The following ZC3H4 variants were observed in gnomAD, a reference collection of about 807,000 sequenced individuals.
ZC3H4 encodes zinc finger CCCH domain-containing protein 4.
ZC3H4 carries 13 observed loss-of-function variants against 108.3 expected under a neutral mutation model. The observed-to-expected ratio is 0.12, with a 90% CI of 0.08 to 0.19. ZC3H4 has a LOEUF of 0.19. Ranked by LOEUF, ZC3H4 falls within the 10% of genes least tolerant of loss-of-function variation. ZC3H4 has a pLI of 1.00. For synonymous variants in ZC3H4, 917 were observed against 749.6 expected (o/e 1.22, Z -3.65); for missense variants, 1,734 against 1,838.8 (o/e 0.94, Z 1.04).
chr19:47,084,113 A>T (rs2057572435), intron 9 of ZC3H4, among the ~76,000 whole-genome samples: 1 of 152,180 alleles, frequency 6.6e-6, no homozygotes, highest in African/African-American at 2.4e-5. Context: ...TGGCCAAAAA[A>T]TTCCCCTAAA....
intron 4 of ZC3H4, among the ~76,000 whole-genome samples, chr19:47,091,268 A>G (rs1225670202): frequency 6.6e-6 from 1 of 150,782 alleles, no homozygotes; most frequent in Non-Finnish European, 1.5e-5. Flanking sequence ...CGAAACAACA[A>G]CTCAAAAAAA....
intron 13 of ZC3H4, 111 bp from the exon 14 acceptor site, chr19:47,069,454 A>ACAGCCTGCC: frequency 2.2e-6 from 3 of 1,392,514 alleles, no homozygotes; most frequent in Non-Finnish European, 2.9e-6. Context: ...AGAAGGACGC[A>ACAGCCTGCC]CAGCCTGCCC....
At chr19:47,110,189 C>A (rs770560304) in intron 2 of ZC3H4, among the ~76,000 whole-genome samples, 1 of 152,024 alleles carries the variant, frequency 6.6e-6, no homozygotes, top group Non-Finnish European at 1.5e-5. Flanking sequence ...AAAATTGGAG[C>A]TACTTGAACC....
intron 2 of ZC3H4, chr19:47,097,018 C>T: frequency 1.0e-6 from 1 of 984,128 alleles, no homozygotes; most frequent in Non-Finnish European, 1.2e-6. Flanking sequence ...ACAGGCTACT[C>T]TACATCTAAC....
intron 4 of ZC3H4, 124 bp downstream of exon 4, chr19:47,093,842 AAATT>A: frequency 1.4e-6 from 1 of 708,700 alleles, no homozygotes. Flanking sequence ...AATGGGGATT[AAATT>A]AATACCTGAT....
At chr19:47,097,210 G>C (rs118054458) in intron 2 of ZC3H4, among the ~76,000 whole-genome samples, 1 of 152,190 alleles carries the variant, frequency 6.6e-6, no homozygotes, top group Non-Finnish European at 1.5e-5. Context: ...GGCACATCTG[G>C]GCTCAAAGAG....
At chr19:47,099,680 T>G (rs1039472674) in intron 2 of ZC3H4, among the ~76,000 whole-genome samples, 1 of 151,524 alleles carries the variant, frequency 6.6e-6, no homozygotes, top group Non-Finnish European at 1.5e-5. Context: ...CAAAAAGGCG[T>G]AGGGAGAGCT....
At chr19:47,093,126 G>A (rs1031798004) in intron 4 of ZC3H4, among the ~76,000 whole-genome samples, 2 of 143,994 alleles carry the variant, frequency 1.4e-5, no homozygotes, top group Non-Finnish European at 1.5e-5. Context: ...TGAAGCAGAA[G>A]AATGGTGCGA....
intron 2 of ZC3H4, among the ~76,000 whole-genome samples, chr19:47,101,600 C>T (rs1012307560): frequency 6.6e-6 from 1 of 152,000 alleles, no homozygotes; most frequent in Non-Finnish European, 1.5e-5. Flanking sequence ...TGGCCAGGTA[C>T]GGTGGCTCAT....
At chr19:47,083,310 TAAA>T (rs918816929) in intron 9 of ZC3H4, among the ~76,000 whole-genome samples, 4 of 121,986 alleles carry the variant, frequency 3.3e-5, no homozygotes, top group African/African-American at 6.0e-5. Context: ...TAAAAAAAAT[TAAA>T]AAAAAAAAAA....
intron 2 of ZC3H4, chr19:47,112,128 T>G: frequency 9.5e-7 from 1 of 1,057,836 alleles, no homozygotes; most frequent in South Asian, 4.6e-5. Flanking sequence ...GCGCGGGGGG[T>G]CCGAGGGGCG....
Position 47,067,057 on chromosome 19 carries a change from G to T in ZC3H4, c.3211C>A (p.Pro1071Thr). The T allele has an allele frequency of 6.2e-7, 1 of 1,608,256 alleles. No individual in the cohort carries two copies. The highest frequency in any genetic ancestry group is 8.5e-7 in the Non-Finnish European group (1 of 1,177,406). ...TCGGTGGGGGCCTTCCGCACCCGGGGGTCACTGGGTTTGTCGCTGGAACCG... is the reference window on the plus strand; with the variant it reads ...TCGGTGGGGGCCTTCCGCACCCGGGTGTCACTGGGTTTGTCGCTGGAACCG... ...APGSSDKPSD[P>T]RVRKAPTDPR... is the part of the protein sequence containing the mutation. The change falls in exon 15 of 15, where the codon CCC becomes ACC. Residue 1071 changes from proline to threonine, a missense_variant. Physicochemically the swap from Pro to Thr is conservative, Grantham distance 38. Coordinates refer to ENST00000253048, the MANE Select transcript of ZC3H4 (RefSeq NM_015168.2). This position sits in a 1 kb window ranked among gnomAD's most constrained non-coding sequence, Gnocchi z 6.4.
intron 4 of ZC3H4, 134 bp downstream of exon 4, chr19:47,093,836 G>T: frequency 1.6e-6 from 1 of 642,108 alleles, no homozygotes; most frequent in Non-Finnish European, 2.6e-6. Flanking sequence ...TCATAAAATG[G>T]GGATTAAATT....
Position 47,072,786 on chromosome 19 carries a change from C to T in ZC3H4, c.1441-73G>A. On this transcript the variant is annotated intron_variant, in intron 11 of 14. Transcript: ENST00000253048. The surrounding 1 kb of genome is among the most constrained non-coding windows in gnomAD (Gnocchi z 5.6). ...AAACGGACCTCTCCAGGTCTGAGAG[C>T]TGAAGTTTATGAGGAAAAGTCCATA... 1 of 1,559,534 alleles carries T rather than the reference C, an allele frequency of 6.4e-7. No homozygotes were observed. The highest frequency in any genetic ancestry group is 1.1e-5 in the South Asian group (1 of 87,066).
In ZC3H4 at chr19:47,069,237, C is replaced by T. The variant is rs1380360051; in HGVS notation, c.2253G>A (p.Arg751=). Residue 751 remains arginine (R), a synonymous_variant, in exon 14 of 15, where the codon CGG becomes CGA. Coordinates refer to ENST00000253048, the MANE Select transcript of ZC3H4 (RefSeq NM_015168.2). ...DSFSEGGPPG[R]PKPGAGVPDF... ...CAGGGACACCGGCGCCTGGCTTCGG[C>T]CGGCCTGGGGGCCCTCCCTCAGAGA... 3 of 1,613,530 alleles carry T rather than the reference C, an allele frequency of 1.9e-6. No homozygotes were observed. Among genetic ancestry groups the T allele is most frequent in the Non-Finnish European group, 2.5e-6 (3 of 1,179,932 alleles).
At chr19:47,079,088 G>C (rs2057473965) in intron 11 of ZC3H4, among the ~76,000 whole-genome samples, 2 of 147,250 alleles carry the variant, frequency 1.4e-5, no homozygotes, top group South Asian at 4.5e-4. Flanking sequence ...GGAGTGCAAT[G>C]GCACGATCTC....
chr19:47,090,791 C>A (rs1306732360), intron 4 of ZC3H4, among the ~76,000 whole-genome samples: 2 of 152,196 alleles, frequency 1.3e-5, no homozygotes, highest in East Asian at 3.8e-4. Context: ...ACCCAGAGAA[C>A]TATACAACCC....
chr19:47,068,509 T>C (rs1283525807), intron 14 of ZC3H4, among the ~76,000 whole-genome samples: 1 of 152,174 alleles, frequency 6.6e-6, no homozygotes, highest in Non-Finnish European at 1.5e-5. Flanking sequence ...AAGCAAAACC[T>C]AGGCCAGTAC....
Position 47,067,982 on chromosome 19 carries a change from C to T in ZC3H4, c.2399-113G>A, listed in dbSNP as rs2057249795. On this transcript the variant is annotated intron_variant, in intron 14 of 14. Coordinates refer to ENST00000253048, the MANE Select transcript of ZC3H4 (RefSeq NM_015168.2). This position sits in a 1 kb window ranked among gnomAD's most constrained non-coding sequence, Gnocchi z 6.4. The stretch of plus-strand genomic sequence containing the variant: ...CTCCTTTGCTTGTGCCTCTCAGAAC[C>T]TCAGGTCCTCCTCTCTAAGGCTCCC... 1 of 1,048,796 alleles carries T rather than the reference C, an allele frequency of 9.5e-7. No homozygotes were observed. The highest frequency in any genetic ancestry group is 1.4e-6 in the Non-Finnish European group (1 of 720,720). 65.0% of individuals were successfully genotyped at this position (1,048,796 alleles called of 1,614,324 possible).
Sources: allele counts gnomAD v4.1 joint callset (sites outside exome capture counted in the v4.1 genomes callset), GRCh38; gene constraint gnomAD v4.1.1; non-coding constraint Gnocchi (gnomAD v3.1); transcripts MANE v1.5; gene names NCBI Gene and HGNC (gene_info 2026-07-23, HGNC 2026-07-21).